The following TANC2 variants were observed in gnomAD, a reference collection of about 807,000 sequenced individuals.
TANC2 encodes the protein protein TANC2.
In TANC2, 26 loss-of-function variants were observed where a neutral mutation model predicts 210.5. The observed-to-expected ratio is 0.12, with a 90% CI of 0.09 to 0.17. The LOEUF (loss-of-function observed/expected upper bound fraction) is 0.17, where lower values mean the gene tolerates loss of function less well. Ranked by LOEUF, TANC2 falls within the 10% of genes least tolerant of loss-of-function variation. The pLI, the probability that TANC2 is intolerant of heterozygous loss-of-function variation, is 1.00. For synonymous variants in TANC2, 931 were observed against 967.1 expected (o/e 0.96, Z 0.69); for missense variants, 2,129 against 2,608.9 (o/e 0.82, Z 4.01).
intron 5 of TANC2, among the ~76,000 whole-genome samples, chr17:63,176,414 G>T (rs2040581872): frequency 6.6e-6 from 1 of 152,112 alleles, no homozygotes; most frequent in Non-Finnish European, 1.5e-5. Context: ...CAGGCTGAAT[G>T]AAAAACCAGA....
At chr17:63,171,801 TC>T (rs1223520328) in intron 5 of TANC2, among the ~76,000 whole-genome samples, 8 of 152,254 alleles carry the variant, frequency 5.3e-5, no homozygotes, top group African/African-American at 1.9e-4. Context: ...CTTCTGTTAA[TC>T]CCTGTAAATC....
intron 4 of TANC2, among the ~76,000 whole-genome samples, chr17:63,109,563 G>C (rs1488777931): frequency 6.6e-6 from 1 of 151,610 alleles, no homozygotes; most frequent in Non-Finnish European, 1.5e-5. Flanking sequence ...TGATTTTACA[G>C]GCGAGTTTTA....
intron 12 of TANC2, 137 bp from the exon 13 acceptor site, chr17:63,351,113 T>G: frequency 3.9e-6 from 3 of 762,316 alleles, no homozygotes; most frequent in Non-Finnish European, 6.1e-6. Context: ...GAATAAATTA[T>G]GTACCCTGAG....
In TANC2 at chr17:63,315,149, G is replaced by A. The variant is rs138440094; in HGVS notation, c.1441+480G>A. Among the ~76,000 whole-genome samples, 247 of 152,288 alleles carry A rather than the reference G, an allele frequency of 1.6e-3. 2 individuals carry two copies. Among genetic ancestry groups the A allele is most frequent in the African/African-American group, 5.8e-3 (239 of 41,548 alleles). Reference sequence around the variant, plus strand: ...TTCTCTCCTGCTTCCTTGTGAAAAGGTGCTGAGCTCTCATATGTATTCAGG... The same window carrying A: ...TTCTCTCCTGCTTCCTTGTGAAAAGATGCTGAGCTCTCATATGTATTCAGG... On this transcript the variant is annotated intron_variant, in intron 10 of 27. Coordinates refer to ENST00000689528, the Ensembl canonical transcript of TANC2.
intron 21 of TANC2, 97 bp downstream of exon 21, chr17:63,406,374 G>A: frequency 6.5e-7 from 1 of 1,538,064 alleles, no homozygotes; most frequent in East Asian, 2.3e-5. Flanking sequence ...GCTAAGAACA[G>A]ATATTAATCC....
chr17:63,175,914 A>G (rs2040564238), intron 5 of TANC2, among the ~76,000 whole-genome samples: 1 of 152,246 alleles, frequency 6.6e-6, no homozygotes, highest in Admixed American at 6.5e-5. Flanking sequence ...GTTGTTCACA[A>G]AAGAAGATGT....
intron 4 of TANC2, among the ~76,000 whole-genome samples, chr17:63,140,389 A>C (rs558424830): frequency 6.6e-6 from 1 of 152,344 alleles, no homozygotes; most frequent in South Asian, 2.1e-4. Flanking sequence ...TCACCCAACA[A>C]ATGTTGGCAA....
intron 4 of TANC2, among the ~76,000 whole-genome samples, chr17:63,104,239 C>G (rs902517753): frequency 2.6e-5 from 4 of 152,030 alleles, no homozygotes; most frequent in African/African-American, 9.7e-5. Flanking sequence ...TCCCTGTGGT[C>G]TCTAGATTCT....
At chr17:63,035,958 C>T (rs913292790) in intron 2 of TANC2, among the ~76,000 whole-genome samples, 2 of 152,098 alleles carry the variant, frequency 1.3e-5, no homozygotes, top group Non-Finnish European at 2.9e-5. Flanking sequence ...GGCTAATGAA[C>T]GTCTTTTCAT....
intron 14 of TANC2, among the ~76,000 whole-genome samples, chr17:63,376,897 A>G (rs545818677): frequency 3.9e-4 from 59 of 150,924 alleles, no homozygotes; most frequent in African/African-American, 1.4e-3. Context: ...AGCTCACTGC[A>G]AGCTCCGCCT....
chr17:63,146,982 C>T (rs953804378), intron 4 of TANC2, among the ~76,000 whole-genome samples: 1 of 151,626 alleles, frequency 6.6e-6, no homozygotes, highest in Non-Finnish European at 1.5e-5. Context: ...AAAACAGCAA[C>T]AACAACAACA....
chr17:63,060,502 T>A (rs1394535984), intron 2 of TANC2, among the ~76,000 whole-genome samples: 2 of 152,046 alleles, frequency 1.3e-5, no homozygotes, highest in Non-Finnish European at 2.9e-5. Context: ...GCGCCTGTAA[T>A]CCCAGCTACT....
chr17:63,204,687 T>TA (rs2041643483), intron 7 of TANC2, among the ~76,000 whole-genome samples: 1 of 152,118 alleles, frequency 6.6e-6, no homozygotes, highest in South Asian at 2.1e-4. Context: ...TAAAGGACTC[T>TA]AAATAGCCAA....
intron 5 of TANC2, among the ~76,000 whole-genome samples, chr17:63,159,225 A>G (rs895718519): frequency 3.4e-4 from 52 of 152,300 alleles, no homozygotes; most frequent in African/African-American, 1.2e-3. Context: ...ATGATTACAG[A>G]AGGGACGGGG....
chr17:63,245,698 T>G (rs569355661), intron 8 of TANC2, among the ~76,000 whole-genome samples: 2 of 151,852 alleles, frequency 1.3e-5, no homozygotes, highest in South Asian at 4.2e-4. Context: ...AAAACTTAGC[T>G]GGGCGTGGTG....
intron 9 of TANC2, among the ~76,000 whole-genome samples, chr17:63,302,360 C>T (rs991792999): frequency 1.6e-4 from 25 of 151,852 alleles, no homozygotes; most frequent in African/African-American, 5.8e-4. Flanking sequence ...GTTGGTCTGT[C>T]TAATATTGAC....
chr17:63,050,964 T>G (rs1598316911), intron 2 of TANC2, among the ~76,000 whole-genome samples: 1 of 152,324 alleles, frequency 6.6e-6, no homozygotes, highest in Middle Eastern at 3.4e-3. Context: ...GTTAGTGCAT[T>G]TATTTAGGCT....
chr17:63,387,841 A>G (rs2047834153), intron 15 of TANC2: 1 of 152,246 alleles, frequency 6.6e-6, no homozygotes, highest in Non-Finnish European at 1.5e-5. Context: ...TTTGTTGCGG[A>G]TGGAAATCAA....
At chr17:63,063,572 GTGT>G (rs1408319699) in intron 2 of TANC2, among the ~76,000 whole-genome samples, 6,519 of 119,348 alleles carry the variant, frequency 0.055, 510 homozygotes, top group African/African-American at 0.21. Context: ...GTGTGTGTGT[GTGT>G]AGATATATCT....
Sources: gnomAD v4.1 joint callset for allele counts (sites outside exome capture counted in the v4.1 genomes callset) on GRCh38, gnomAD v4.1.1 for gene constraint, MANE v1.5 for transcripts, NCBI Gene and HGNC (gene_info 2026-07-23, HGNC 2026-07-21) for gene names.